EPS15: variants seen among roughly 807,000 people sequenced by gnomAD.
EPS15 encodes epidermal growth factor receptor pathway substrate 15, also known as epidermal growth factor receptor substrate 15.
A neutral mutation model predicts 113.8 loss-of-function variants in EPS15; 72 were observed. That is an observed-to-expected ratio of 0.63 (90% CI 0.52 to 0.77). The LOEUF is 0.77. Among genes scored for constraint, EPS15 ranks in the 30% least tolerant of loss-of-function variants. The pLI, the probability that EPS15 is intolerant of heterozygous loss-of-function variation, is 0.00. For synonymous variants in EPS15, 344 were observed against 363.4 expected, an observed-to-expected ratio of 0.95 and a Z score of 0.61; for missense variants, 1,048 against 1,045.8, an observed-to-expected ratio of 1.00 and a Z score of -0.03.
intron 1 of EPS15, chr1:51,490,304 A>C (rs1174725895): frequency 2.2e-6 from 1 of 448,620 alleles, no homozygotes; most frequent in East Asian, 7.5e-5. Flanking sequence ...GGTGGCTCAC[A>C]CCTATAATCC....
At chr1:51,512,766 T>C (rs372337665) in intron 1 of EPS15, among the ~76,000 whole-genome samples, 2 of 152,076 alleles carry the variant, frequency 1.3e-5, no homozygotes, top group Admixed American at 6.5e-5. Flanking sequence ...AATATACATG[T>C]TGATCAAGCT....
At chr1:51,505,497 T>C (rs1032098030) in intron 1 of EPS15, among the ~76,000 whole-genome samples, 2 of 152,170 alleles carry the variant, frequency 1.3e-5, no homozygotes, top group Non-Finnish European at 2.9e-5. Flanking sequence ...AGTAGATTAA[T>C]AGTTGCTTAG....
chr1:51,408,826 G>C (rs1649403730), intron 14 of EPS15, among the ~76,000 whole-genome samples: 1 of 144,466 alleles, frequency 6.9e-6, no homozygotes, highest in Non-Finnish European at 1.5e-5. Context: ...TTGAGACAGA[G>C]TCTCGCTCTG....
chr1:51,500,017 T>A, intron 1 of EPS15, among the ~76,000 whole-genome samples: 1 of 152,230 alleles, frequency 6.6e-6, no homozygotes, highest in East Asian at 1.9e-4. Flanking sequence ...CTATGCTAGT[T>A]ACCACATATA....
At chr1:51,510,932 G>A (rs1644607972) in intron 1 of EPS15, among the ~76,000 whole-genome samples, 1 of 152,158 alleles carries the variant, frequency 6.6e-6, no homozygotes, top group South Asian at 2.1e-4. Context: ...TTGGGAGGCT[G>A]AGGAGGGAGG....
At chr1:51,479,744 ATTAT>A (rs2148521114) in intron 2 of EPS15, among the ~76,000 whole-genome samples, 1 of 152,352 alleles carries the variant, frequency 6.6e-6, no homozygotes, top group South Asian at 2.1e-4. Context: ...AAACAAGGCC[ATTAT>A]TTGAGAATGA....
intron 1 of EPS15, among the ~76,000 whole-genome samples, chr1:51,497,979 A>C (rs1439109043): frequency 6.6e-6 from 1 of 152,032 alleles, no homozygotes; most frequent in Admixed American, 6.6e-5. Flanking sequence ...CCGTCTCAAA[A>C]AAAAAAAAAA....
intron 21 of EPS15, among the ~76,000 whole-genome samples, chr1:51,369,490 G>A (rs1646593370): frequency 6.6e-6 from 1 of 152,164 alleles, no homozygotes. Flanking sequence ...GACCTCATTA[G>A]TACCGCCTTT....
intron 5 of EPS15, among the ~76,000 whole-genome samples, chr1:51,467,229 G>T (rs1340316206): frequency 6.6e-6 from 1 of 152,204 alleles, no homozygotes; most frequent in Non-Finnish European, 1.5e-5. Context: ...GCTGGAGGGA[G>T]GGTGAACTAG....
intron 12 of EPS15, among the ~76,000 whole-genome samples, chr1:51,439,481 T>TA (rs965521355): frequency 6.6e-6 from 1 of 151,912 alleles, no homozygotes; most frequent in Non-Finnish European, 1.5e-5. Flanking sequence ...TTGTGAGGGT[T>TA]AAAAAAAGAA....
At chr1:51,476,126 C>G (rs1643895584) in intron 2 of EPS15, among the ~76,000 whole-genome samples, 1 of 152,138 alleles carries the variant, frequency 6.6e-6, no homozygotes. Context: ...ATGCCTCCAG[C>G]TTTGTTCTTT....
intron 21 of EPS15, among the ~76,000 whole-genome samples, chr1:51,374,501 G>A (rs1646737970): frequency 6.6e-6 from 1 of 152,090 alleles, no homozygotes; most frequent in South Asian, 2.1e-4. Context: ...CTACTCGGGA[G>A]GGTGAGGCAG....
At chr1:51,427,563 G>C (rs1651334890) in intron 12 of EPS15, among the ~76,000 whole-genome samples, 1 of 152,162 alleles carries the variant, frequency 6.6e-6, no homozygotes, top group Admixed American at 6.5e-5. Context: ...CAGAGAATGG[G>C]AACTTGACTC....
intron 1 of EPS15, among the ~76,000 whole-genome samples, chr1:51,488,486 A>AAAAAACAAAAAAAC (rs1553135698): frequency 2.4e-4 from 36 of 150,676 alleles, no homozygotes; most frequent in African/African-American, 8.8e-4. Flanking sequence ...AAAAAAAAAA[A>AAAAAACAAAAAAAC]AAAAAAAAAA....
In EPS15 at chr1:51,444,803, T is replaced by C. The variant is rs1273144828; in HGVS notation, c.954+86A>G. The C allele has an allele frequency of 3.1e-6, 4 of 1,298,172 alleles. No individual in the cohort carries two copies. In the African/African-American group the frequency reaches 5.9e-5, roughly 19 times the overall value. The allele number at this position is 1,298,172 out of a possible 1,614,324, so 80.4% of individuals were successfully genotyped here. The stretch of plus-strand genomic sequence containing the variant: ...TCTTAGCCAGATACATTTTCTCTTC[T>C]ATTTCATCCAAATTGAATCTGTAAT... On this transcript the variant is annotated intron_variant, in intron 11 of 24. Transcript: ENST00000371733.
At chr1:51,457,080 TCAAGAC>T (rs1654055694) in intron 8 of EPS15, among the ~76,000 whole-genome samples, 1 of 151,860 alleles carries the variant, frequency 6.6e-6, no homozygotes, top group Admixed American at 6.6e-5. Context: ...GGTCAGGAGA[TCAAGAC>T]CATCCTGGCA....
chr1:51,408,124 C>A lies in EPS15; in HGVS notation c.1473+11G>T. ...CCATTTGAATATATTTCTTGCTTTACAAAGACTTACTGAACTAATTTCCTG... is the reference window on the plus strand; with the variant it reads ...CCATTTGAATATATTTCTTGCTTTAAAAAGACTTACTGAACTAATTTCCTG... On this transcript the variant is annotated intron_variant, in intron 15 of 24. Coordinates refer to ENST00000371733, the MANE Select transcript of EPS15 (RefSeq NM_001981.3). The A allele has an allele frequency of 6.2e-7, 1 of 1,611,988 alleles. No homozygotes were observed. The highest frequency in any genetic ancestry group is 8.5e-7 in the Non-Finnish European group (1 of 1,178,020).
At chr1:51,373,095 C>T (rs1646700797) in intron 21 of EPS15, 1 of 180,942 alleles carries the variant, frequency 5.5e-6, no homozygotes, top group Middle Eastern at 8.5e-4. Context: ...ACAAGATTGC[C>T]AATCAGGATG....
chr1:51,440,352 T>C lies in EPS15; in HGVS notation c.1035A>G (p.Leu345=), dbSNP rs1190701991. 1 of 1,541,670 alleles carries C rather than the reference T, an allele frequency of 6.5e-7. No individual in the cohort carries two copies. The highest frequency in any genetic ancestry group is 1.1e-5 in the South Asian group (1 of 87,144). The change falls in exon 12 of 25, where the codon CTA becomes CTG. Residue 345 remains leucine, a synonymous_variant. Transcript: ENST00000371733. ...LDTLNNEIVD[L]QREKNNVEQD... is the part of the protein sequence containing the mutation. ...TGTAATTTTGCTTTACATACCTCTG[T>C]AGGTCAACTATTTCATTGTTAAGAG...
Sources: allele counts gnomAD v4.1 joint callset (sites outside exome capture counted in the v4.1 genomes callset), GRCh38; gene constraint gnomAD v4.1.1; transcripts MANE v1.5; gene names NCBI Gene and HGNC (gene_info 2026-07-23, HGNC 2026-07-21).